The following AKAP6 variants were observed in gnomAD, a reference collection of about 807,000 sequenced individuals.
AKAP6 encodes the protein A-kinase anchoring protein 6.
In AKAP6, 58 loss-of-function variants were observed where a neutral mutation model predicts 188.5. That is an observed-to-expected ratio of 0.31 (90% CI 0.25 to 0.38). The LOEUF (loss-of-function observed/expected upper bound fraction) is 0.38. Ranked by LOEUF, AKAP6 falls within the 10% of genes least tolerant of loss-of-function variation. AKAP6 has a pLI of 1.00. For missense variants in AKAP6, 2,710 were observed against 2,740.0 expected (o/e 0.99, Z 0.24); for synonymous variants, 989 against 998.6 (o/e 0.99, Z 0.18).
At chr14:32,586,356 G>C (rs1170559935) in intron 5 of AKAP6, among the ~76,000 whole-genome samples, 1 of 152,180 alleles carries the variant, frequency 6.6e-6, no homozygotes, top group Non-Finnish European at 1.5e-5. Context: ...GGCTGGCCAT[G>C]GTGGCTAATG....
At chr14:32,418,015 G>T (rs894827943) in intron 1 of AKAP6, 3 of 152,136 alleles carry the variant, frequency 2.0e-5, no homozygotes, top group Non-Finnish European at 4.4e-5. Context: ...TTAGGCCAAA[G>T]AGCACAATGA....
intron 12 of AKAP6, among the ~76,000 whole-genome samples, chr14:32,779,356 A>ACAGTGT (rs1288496648): frequency 6.3e-5 from 9 of 143,920 alleles, no homozygotes; most frequent in Non-Finnish European, 7.5e-5. Context: ...GCTACCATGA[A>ACAGTGT]CAGTGTTTGT....
chr14:32,804,625 A>T (rs1293391244), intron 12 of AKAP6, among the ~76,000 whole-genome samples: 1 of 152,166 alleles, frequency 6.6e-6, no homozygotes, highest in Non-Finnish European at 1.5e-5. Context: ...CATCTTAAAC[A>T]ACAGAAAACA....
chr14:32,647,482 A>G (rs762101285), intron 7 of AKAP6, among the ~76,000 whole-genome samples: 41 of 152,090 alleles, frequency 2.7e-4, no homozygotes, highest in Non-Finnish European at 5.0e-4. Context: ...CTTTTTGCCA[A>G]TGGATACATC....
rs141983906 is a variant in AKAP6, at chr14:32,360,434, T to C, written c.-35+31026T>C. On this transcript the variant is annotated intron_variant, in intron 1 of 13. Transcript: ENST00000280979. ...GAGCCACCGCGCCTGGCCTATCCTC[T>C]TTTTCCTAAAAATTTTACCCATTGA... Among the ~76,000 whole-genome samples the C allele has an allele frequency of 6.0e-4, 91 of 152,240 alleles. 1 individual carries two copies. The highest frequency in any genetic ancestry group is 2.0e-3 in the African/African-American group (85 of 41,556).
At chr14:32,510,355 C>CAT (rs142164943) in intron 2 of AKAP6, among the ~76,000 whole-genome samples, 51,464 of 133,696 alleles carry the variant, frequency 0.38, 10,326 homozygotes, top group African/African-American at 0.46. Context: ...CATATGGATA[C>CAT]ATATATATAT....
intron 11 of AKAP6, among the ~76,000 whole-genome samples, chr14:32,746,390 T>C (rs1379172039): frequency 6.6e-6 from 1 of 152,190 alleles, no homozygotes; most frequent in Admixed American, 6.5e-5. Context: ...AGGTGATTAA[T>C]GCTGCCAGGA....
intron 9 of AKAP6, among the ~76,000 whole-genome samples, 195 bp from the exon 10 acceptor site, chr14:32,732,259 G>C (rs1311319561): frequency 1.8e-5 from 2 of 111,656 alleles, no homozygotes; most frequent in Non-Finnish European, 4.2e-5. Flanking sequence ...TGTAATAACT[G>C]TGTGTGTGTG....
At chr14:32,440,863 G>A (rs1890552542) in intron 2 of AKAP6, among the ~76,000 whole-genome samples, 1 of 151,990 alleles carries the variant, frequency 6.6e-6, no homozygotes, top group African/African-American at 2.4e-5. Flanking sequence ...TTTTTTGGTG[G>A]ATGGGTGCTA....
At position 32,731,843 on chromosome 14, in the gene AKAP6, G is replaced by T. The variant is rs373626327; in HGVS notation, c.3001-611G>T. Among the ~76,000 whole-genome samples, 14 of 152,132 alleles carry T rather than the reference G, an allele frequency of 9.2e-5. No homozygotes were observed. In the East Asian group the frequency reaches 1.2e-3, roughly 13 times the overall value. Reference sequence around the variant, plus strand: ...TGTTAGAATATAATACATACTGGGGGAGAGGGTTCTGTAGTCAACTATGAT... The same window carrying T: ...TGTTAGAATATAATACATACTGGGGTAGAGGGTTCTGTAGTCAACTATGAT... On this transcript the variant is annotated intron_variant, in intron 9 of 13. Coordinates refer to ENST00000280979, the MANE Select transcript of AKAP6 (RefSeq NM_004274.5).
intron 11 of AKAP6, among the ~76,000 whole-genome samples, chr14:32,739,283 G>GA (rs151188730): frequency 0.025 from 3,785 of 152,064 alleles, 131 homozygotes; most frequent in East Asian, 0.082. Context: ...GAGCACATGA[G>GA]TTTTTTTGTT....
intron 2 of AKAP6, among the ~76,000 whole-genome samples, chr14:32,520,190 T>C (rs1470346425): frequency 6.6e-6 from 1 of 152,124 alleles, no homozygotes. Context: ...GGGACACATT[T>C]AAAGCAGTGT....
intron 2 of AKAP6, among the ~76,000 whole-genome samples, chr14:32,443,393 AAAAC>A (rs200484287): frequency 0.012 from 1,372 of 114,706 alleles, 9 homozygotes; most frequent in Non-Finnish European, 0.016. Context: ...ACTCCATCTC[AAAAC>A]AAAACAAAAC....
At chr14:32,769,768 T>A (rs112648527) in intron 11 of AKAP6, among the ~76,000 whole-genome samples, 1,923 of 152,274 alleles carry the variant, frequency 0.013, 22 homozygotes, top group Non-Finnish European at 0.02. Context: ...TTCTCATCTC[T>A]CTTTTTTTCT....
intron 2 of AKAP6, among the ~76,000 whole-genome samples, chr14:32,452,551 T>C (rs1287630536): frequency 6.6e-6 from 1 of 152,136 alleles, no homozygotes; most frequent in Non-Finnish European, 1.5e-5. Flanking sequence ...GGCTTATACC[T>C]GTAATTCCAG....
At chr14:32,691,453 C>G (rs1890175303) in intron 8 of AKAP6, among the ~76,000 whole-genome samples, 1 of 152,216 alleles carries the variant, frequency 6.6e-6, no homozygotes, top group Non-Finnish European at 1.5e-5. Flanking sequence ...AAAGTGAACT[C>G]TTTCCTTACT....
intron 4 of AKAP6, among the ~76,000 whole-genome samples, chr14:32,569,927 G>T (rs1192542946): frequency 1.3e-5 from 2 of 151,976 alleles, no homozygotes; most frequent in Non-Finnish European, 2.9e-5. Flanking sequence ...TGAAACTTGT[G>T]ACAATTAGTA....
chr14:32,398,844 GTTTTTTTTTTTT>G (rs773955888), intron 1 of AKAP6, among the ~76,000 whole-genome samples: 6 of 60,976 alleles, frequency 9.8e-5, no homozygotes, highest in South Asian at 5.4e-4. Flanking sequence ...CTTTCTTCCT[GTTTTTTTTTTTT>G]TTTTTTTTTT....
intron 7 of AKAP6, among the ~76,000 whole-genome samples, chr14:32,674,573 G>A (rs984019883): frequency 6.6e-6 from 1 of 152,154 alleles, no homozygotes; most frequent in African/African-American, 2.4e-5. Flanking sequence ...TTTCTGACAT[G>A]AGCAATAGAC....
Sources: allele counts gnomAD v4.1 joint callset (sites outside exome capture counted in the v4.1 genomes callset), GRCh38; gene constraint gnomAD v4.1.1; transcripts MANE v1.5; gene names NCBI Gene and HGNC (gene_info 2026-07-23, HGNC 2026-07-21).